SRPK2: variants seen among roughly 807,000 people sequenced by gnomAD.
SRPK2 encodes SRSF protein kinase 2.
SRPK2 carries 21 observed loss-of-function variants against 90.8 expected under a neutral mutation model. That is an observed-to-expected ratio of 0.23 (90% CI 0.16 to 0.33). SRPK2 has a LOEUF of 0.33. Ranked by LOEUF, SRPK2 falls within the 10% of genes least tolerant of loss-of-function variation. SRPK2 has a pLI of 1.00. For missense variants in SRPK2, 620 were observed against 869.0 expected (o/e 0.71, Z 3.60); for synonymous variants, 288 against 311.1 (o/e 0.93, Z 0.78).
At chr7:105,294,745 C>A (rs572545093) in intron 2 of SRPK2, among the ~76,000 whole-genome samples, 1 of 151,988 alleles carries the variant, frequency 6.6e-6, no homozygotes, top group African/African-American at 2.4e-5. Context: ...AGACTGGTAA[C>A]GAACTCCTGA....
chr7:105,390,621 T>G (rs146740093), upstream of SRPK2, among the ~76,000 whole-genome samples: 27,844 of 148,064 alleles, frequency 0.19, 3,434 homozygotes, highest in Non-Finnish European at 0.25. Context: ...TTTTTTTTTT[T>G]TTTTTTTTTT....
At chr7:105,322,221 C>A (rs747364627) in intron 2 of SRPK2, among the ~76,000 whole-genome samples, 5 of 152,138 alleles carry the variant, frequency 3.3e-5, no homozygotes, top group African/African-American at 9.7e-5. Context: ...TGGAGACCCG[C>A]CTGGCCAACA....
At chr7:105,174,161 T>C (rs977877286) in intron 3 of SRPK2, among the ~76,000 whole-genome samples, 2 of 152,050 alleles carry the variant, frequency 1.3e-5, no homozygotes, top group Non-Finnish European at 2.9e-5. Flanking sequence ...TTAAATTCAT[T>C]GCTCTGGTTT....
At chr7:105,256,409 G>A (rs754348950) in intron 2 of SRPK2, among the ~76,000 whole-genome samples, 8 of 152,176 alleles carry the variant, frequency 5.3e-5, no homozygotes, top group Non-Finnish European at 1.2e-4. Context: ...AGGCTGGAGT[G>A]CAATGGTGCG....
intron 2 of SRPK2, among the ~76,000 whole-genome samples, chr7:105,318,955 A>G (rs937106416): frequency 1.3e-5 from 2 of 152,394 alleles, no homozygotes; most frequent in East Asian, 3.9e-4. Context: ...CCTATAAAAC[A>G]TAATTTACAT....
At chr7:105,287,821 T>G (rs1381159461) in intron 2 of SRPK2, among the ~76,000 whole-genome samples, 2 of 152,156 alleles carry the variant, frequency 1.3e-5, no homozygotes, top group Non-Finnish European at 2.9e-5. Flanking sequence ...GGCAGGAAGA[T>G]CTACCTTTAT....
chr7:105,381,316 C>T (rs1820922841), intron 2 of SRPK2, among the ~76,000 whole-genome samples: 1 of 152,040 alleles, frequency 6.6e-6, no homozygotes, highest in African/African-American at 2.4e-5. Context: ...GTGGCTCAAG[C>T]CTGTAATCCC....
chr7:105,325,510 T>A (rs1216963678), intron 2 of SRPK2, among the ~76,000 whole-genome samples: 3 of 125,124 alleles, frequency 2.4e-5, no homozygotes, highest in African/African-American at 9.1e-5. Context: ...AAAAATGATG[T>A]CCATTATTTA....
In SRPK2 at chr7:105,337,317, A is replaced by AT. The variant is rs773258549; in HGVS notation, c.71+51330dup. On this transcript the variant is annotated intron_variant, in intron 2 of 15. Transcript: ENST00000393651. The stretch of plus-strand genomic sequence containing the variant: ...CAATGATAGTGAGGCTCATGAAGGG[A>AT]TTTTTTTTTTTTTTTGAGATGGAGT... Among the ~76,000 whole-genome samples, 279 of 136,558 alleles carry AT rather than the reference A, an allele frequency of 2.0e-3. 3 individuals carry two copies. The highest frequency in any genetic ancestry group is 6.0e-3 in the East Asian group (27 of 4,536). 89.6% of individuals were successfully genotyped at this position (136,558 alleles called of 152,430 possible). A position where few individuals can be genotyped will look rare whatever the true frequency, so the allele number is the denominator to read the frequency against.
At chr7:105,346,386 T>C (rs964081714) in intron 2 of SRPK2, among the ~76,000 whole-genome samples, 6 of 152,112 alleles carry the variant, frequency 3.9e-5, no homozygotes, top group African/African-American at 1.4e-4. Flanking sequence ...CACCTCTGCA[T>C]GGTGACTGGA....
intron 3 of SRPK2, among the ~76,000 whole-genome samples, chr7:105,201,293 TG>T (rs1013001554): frequency 3.3e-5 from 5 of 151,606 alleles, no homozygotes; most frequent in Admixed American, 6.6e-5. Flanking sequence ...TTACCAAATT[TG>T]GGGGGGGCTG....
chr7:105,140,979 T>C (rs1196190477), intron 11 of SRPK2, among the ~76,000 whole-genome samples: 2 of 151,584 alleles, frequency 1.3e-5, no homozygotes, highest in Non-Finnish European at 2.9e-5. Flanking sequence ...AAAAAGAAAC[T>C]TCAAGTAAGA....
chr7:105,157,755 A>G (rs1257076929), intron 7 of SRPK2, among the ~76,000 whole-genome samples: 2 of 152,174 alleles, frequency 1.3e-5, no homozygotes, highest in Non-Finnish European at 2.9e-5. Context: ...TCCACCAAAA[A>G]CAGGGTACAT....
intron 2 of SRPK2, among the ~76,000 whole-genome samples, chr7:105,263,818 G>A (rs1041506642): frequency 6.6e-6 from 1 of 151,818 alleles, no homozygotes; most frequent in Non-Finnish European, 1.5e-5. Flanking sequence ...CTATGATCTG[G>A]GTACTATTCC....
At chr7:105,151,921 G>A (rs765190326) in intron 7 of SRPK2, among the ~76,000 whole-genome samples, 1 of 151,706 alleles carries the variant, frequency 6.6e-6, no homozygotes, top group African/African-American at 2.4e-5. Flanking sequence ...CTACTCAGGA[G>A]GTTGAGGCAG....
chr7:105,195,741 C>T (rs1794833998), intron 3 of SRPK2, among the ~76,000 whole-genome samples: 1 of 152,164 alleles, frequency 6.6e-6, no homozygotes, highest in Admixed American at 6.5e-5. Flanking sequence ...TAACATTCTT[C>T]CTTTTAGCCC....
chr7:105,142,935 T>C, intron 10 of SRPK2, 149 bp downstream of exon 10: 10 of 1,018,406 alleles, frequency 9.8e-6, no homozygotes, highest in Non-Finnish European at 1.4e-5. Context: ...AGTACGAGGC[T>C]ATTTCCCATA....
intron 7 of SRPK2, among the ~76,000 whole-genome samples, chr7:105,150,605 G>A (rs941398265): frequency 6.6e-6 from 1 of 152,184 alleles, no homozygotes; most frequent in East Asian, 1.9e-4. Context: ...GGAGAACATG[G>A]TTATACTTTT....
intron 2 of SRPK2, among the ~76,000 whole-genome samples, chr7:105,254,483 C>T (rs1163638601): frequency 2.0e-5 from 3 of 152,186 alleles, no homozygotes; most frequent in Non-Finnish European, 4.4e-5. Context: ...AAATTATGTA[C>T]ATCCATCCAT....
Sources: gnomAD v4.1 joint callset for allele counts (sites outside exome capture counted in the v4.1 genomes callset) on GRCh38, gnomAD v4.1.1 for gene constraint, MANE v1.5 for transcripts, NCBI Gene and HGNC (gene_info 2026-07-23, HGNC 2026-07-21) for gene names.